Variants in MCTP1 observed in about 807,000 individuals in gnomAD.
MCTP1 encodes the protein multiple C2 and transmembrane domain containing 1.
Under a neutral mutation model 120.6 loss-of-function variants are expected in MCTP1, and 69 were observed. That is an observed-to-expected ratio of 0.57 (90% confidence interval 0.47 to 0.70). The LOEUF (loss-of-function observed/expected upper bound fraction) is 0.70, where lower values mean the gene tolerates loss of function less well. Ranked by LOEUF, MCTP1 falls within the 30% of genes least tolerant of loss-of-function variation. The pLI is 0.00. For synonymous variants in MCTP1, 529 were observed against 493.1 expected (o/e 1.07, Z -0.96); for missense variants, 1,203 against 1,248.8 (o/e 0.96, Z 0.55).
At chr5:95,184,514 C>T (rs1260261930) in intron 1 of MCTP1, among the ~76,000 whole-genome samples, 14 of 152,136 alleles carry the variant, frequency 9.2e-5, no homozygotes, top group South Asian at 2.1e-4. Flanking sequence ...TGTTCATTCC[C>T]GGGTGTAGGG....
intron 12 of MCTP1, among the ~76,000 whole-genome samples, chr5:94,877,204 A>G (rs1799075430): frequency 1.3e-5 from 2 of 152,146 alleles, no homozygotes; most frequent in African/African-American, 2.4e-5. Flanking sequence ...CATAAAAAGT[A>G]GGCTGACATT....
intron 10 of MCTP1, among the ~76,000 whole-genome samples, chr5:94,905,410 T>C (rs1393622782): frequency 6.6e-6 from 1 of 152,194 alleles, no homozygotes; most frequent in Admixed American, 6.5e-5. Context: ...AATATTACTC[T>C]GGCTGCTAAT....
chr5:95,012,514 C>T (rs1287050420), intron 2 of MCTP1, among the ~76,000 whole-genome samples: 1 of 152,220 alleles, frequency 6.6e-6, no homozygotes, highest in South Asian at 2.1e-4. Context: ...GCAACACTAC[C>T]TTGATCAAGT....
At chr5:95,275,662 A>G (rs1349806295) in intron 1 of MCTP1, among the ~76,000 whole-genome samples, 1 of 152,196 alleles carries the variant, frequency 6.6e-6, no homozygotes, top group African/African-American at 2.4e-5. Context: ...GGGATATTTC[A>G]TATTCTTTTC....
rs552138766 is a variant in MCTP1, at chr5:95,249,924, G to A, written c.720+33932C>T. 6.1e-4 allele frequency among the ~76,000 whole-genome samples: 93 copies of A among 152,146 alleles called. 1 individual carries two copies. Among genetic ancestry groups the A allele is most frequent in the Non-Finnish European group, 8.5e-4 (58 of 68,034 alleles). On this transcript the variant is annotated intron_variant, in intron 1 of 22. Coordinates refer to ENST00000515393, the MANE Select transcript of MCTP1 (RefSeq NM_024717.7). ...TCACAAGGACAGAAAAGCAAGCACC[G>A]CATGCTCTCACTCATACGTGGGAGT... is the stretch of plus-strand genomic sequence containing the variant.
intron 2 of MCTP1, among the ~76,000 whole-genome samples, chr5:95,014,917 C>A (rs960771373): frequency 1.5e-4 from 23 of 152,152 alleles, no homozygotes; most frequent in African/African-American, 5.1e-4. Flanking sequence ...GCCACTCCAA[C>A]CTTCAACAAC....
At chr5:95,081,485 T>G in intron 1 of MCTP1, 1 of 1,610,650 alleles carries the variant, frequency 6.2e-7, no homozygotes, top group Non-Finnish European at 8.5e-7. Flanking sequence ...TCTAGCATAG[T>G]TGATTAGAAA....
At chr5:95,262,514 A>G (rs1758553861) in intron 1 of MCTP1, among the ~76,000 whole-genome samples, 2 of 152,198 alleles carry the variant, frequency 1.3e-5, no homozygotes, top group Admixed American at 1.3e-4. Context: ...AGATGCCCAA[A>G]TCAGTTCTCA....
At chr5:94,796,640 T>C (rs1406116363) in intron 18 of MCTP1, among the ~76,000 whole-genome samples, 1 of 64,986 alleles carries the variant, frequency 1.5e-5, no homozygotes, top group Admixed American at 1.6e-4. Flanking sequence ...ATTATATATG[T>C]AATATATATT....
intron 1 of MCTP1, among the ~76,000 whole-genome samples, chr5:95,228,159 G>C (rs954031326): frequency 2.6e-5 from 4 of 152,276 alleles, no homozygotes; most frequent in Admixed American, 2.6e-4. Flanking sequence ...CAAGATTTAA[G>C]AGAATTCAAA....
intron 19 of MCTP1, among the ~76,000 whole-genome samples, chr5:94,726,134 G>A (rs765148675): frequency 2.0e-5 from 3 of 152,156 alleles, no homozygotes; most frequent in Non-Finnish European, 4.4e-5. Context: ...CTAAAGATCA[G>A]TTGCCTAAAG....
chr5:94,718,307 T>A (rs1359736454), intron 19 of MCTP1, among the ~76,000 whole-genome samples: 1 of 152,090 alleles, frequency 6.6e-6, no homozygotes, highest in Admixed American at 6.5e-5. Context: ...TGGCTAGCCA[T>A]ATGCAGAAAA....
At chr5:94,965,758 G>A (rs991879120) in intron 2 of MCTP1, among the ~76,000 whole-genome samples, 3 of 152,092 alleles carry the variant, frequency 2.0e-5, no homozygotes, top group Admixed American at 6.6e-5. Flanking sequence ...GTATTAAGAG[G>A]CAGTGATTCG....
intron 1 of MCTP1, among the ~76,000 whole-genome samples, chr5:95,058,763 T>A (rs1258049515): frequency 6.6e-6 from 1 of 152,186 alleles, no homozygotes; most frequent in African/African-American, 2.4e-5. Flanking sequence ...CACAGGACAA[T>A]TTTTTCCTTT....
chr5:94,988,294 G>A (rs183246559), intron 2 of MCTP1, among the ~76,000 whole-genome samples: 2 of 125,382 alleles, frequency 1.6e-5, no homozygotes, highest in African/African-American at 5.6e-5. Context: ...ATACCTTTAC[G>A]TTAACAGATA....
chr5:94,789,128 A>G (rs943219889), intron 18 of MCTP1: 1 of 152,204 alleles, frequency 6.6e-6, no homozygotes, highest in Non-Finnish European at 1.5e-5. Context: ...TGGGGAAGAA[A>G]TCCTCTATAA....
chr5:95,269,277 C>T (rs77113956), intron 1 of MCTP1, among the ~76,000 whole-genome samples: 2,087 of 152,152 alleles, frequency 0.014, 19 homozygotes, highest in Non-Finnish European at 0.019. Flanking sequence ...AGGAATATAC[C>T]CCAAATGGAC....
intron 2 of MCTP1, among the ~76,000 whole-genome samples, chr5:94,974,197 GA>G (rs1196743779): frequency 6.6e-6 from 1 of 152,064 alleles, no homozygotes; most frequent in African/African-American, 2.4e-5. Context: ...TATGTGGAAT[GA>G]TTTATTTCAA....
intron 6 of MCTP1, chr5:94,931,465 T>G (rs1321701781): frequency 6.6e-6 from 1 of 152,462 alleles, no homozygotes; most frequent in Non-Finnish European, 1.5e-5. Context: ...CATAAACTCC[T>G]CTCACTTTAT....
Sources: gnomAD v4.1 joint callset for allele counts (sites outside exome capture counted in the v4.1 genomes callset) on GRCh38, gnomAD v4.1.1 for gene constraint, MANE v1.5 for transcripts, NCBI Gene and HGNC (gene_info 2026-07-23, HGNC 2026-07-21) for gene names.